PRKX: variants seen among roughly 807,000 people sequenced by gnomAD.
PRKX encodes the protein cAMP-dependent protein kinase catalytic subunit PRKX.
Under a neutral mutation model 22.0 loss-of-function variants are expected in PRKX, and 12 were observed. That is an observed-to-expected ratio of 0.54 (90% CI 0.35 to 0.88). The LOEUF (loss-of-function observed/expected upper bound fraction) is 0.88. Among genes scored for constraint, PRKX ranks in the 40% least tolerant of loss-of-function variants. The pLI is 0.01. For missense variants in PRKX, 217 were observed against 308.0 expected, an observed-to-expected ratio of 0.70 and a Z score of 2.21; for synonymous variants, 134 against 137.7, an observed-to-expected ratio of 0.97 and a Z score of 0.19.
chrX:3,608,566 TACACACAGGCATACAC>T lies in PRKX; in HGVS notation c.*387_*402del, dbSNP rs1186438219. 3.3e-5 allele frequency: 3 copies of T among 89,852 alleles called. No homozygotes were observed. Among genetic ancestry groups the T allele is most frequent in the Non-Finnish European group, 4.4e-5 (2 of 45,644 alleles). 7.4% of individuals were successfully genotyped at this position (89,852 alleles called of 1,213,427 possible). A position where few individuals can be genotyped will look rare whatever the true frequency, so the allele number is the denominator to read the frequency against. On this transcript the variant is annotated 3_prime_UTR_variant, in exon 9 of 9. Coordinates refer to ENST00000262848, the MANE Select transcript of PRKX (RefSeq NM_005044.5). Reference sequence around the variant, plus strand: ...CATCTGCCATAATGACTTCTATATATACACACAGGCATACACACACACACACACACACACACACACA... The same window carrying T: ...CATCTGCCATAATGACTTCTATATATACACACACACACACACACACACACA...
chrX:3,652,855 G>T (rs994233742), intron 3 of PRKX, among the ~76,000 whole-genome samples: 1 of 110,682 alleles, frequency 9.0e-6, no homozygotes, highest in Non-Finnish European at 1.9e-5. Context: ...TGAGGATACA[G>T]ACATGCACAG....
In PRKX at chrX:3,615,802, A is replaced by G; in HGVS notation, c.951+13T>C. 7.5e-6 allele frequency: 9 copies of G among 1,194,400 alleles called. No individual in the cohort carries two copies. The highest frequency in any genetic ancestry group is 1.0e-5 in the Non-Finnish European group (9 of 884,277). On this transcript the variant is annotated intron_variant, in intron 7 of 8. Transcript: ENST00000262848. The stretch of plus-strand genomic sequence containing the variant: ...CTCGGGCATACTGAGTCACCCACTG[A>G]TATGTGTTGTACCTTCAGTTTTCTC...
chrX:3,662,041 G>C (rs1481582289), intron 2 of PRKX, among the ~76,000 whole-genome samples: 1 of 111,696 alleles, frequency 9.0e-6, no homozygotes, highest in African/African-American at 3.3e-5. Context: ...TTTTGGACAA[G>C]GGCCCCTTAT....
intron 7 of PRKX, among the ~76,000 whole-genome samples, chrX:3,613,759 G>T (rs534337179): frequency 2.0e-5 from 2 of 99,656 alleles, no homozygotes; most frequent in South Asian, 1.0e-3. Context: ...TGAGGCAGAA[G>T]AATCACTTGA....
chrX:3,698,815 T>G (rs1928496657), intron 1 of PRKX, among the ~76,000 whole-genome samples: 1 of 108,668 alleles, frequency 9.2e-6, no homozygotes, highest in South Asian at 4.0e-4. Flanking sequence ...GGTCTCAAAC[T>G]CCTGACTTCA....
At chrX:3,685,535 A>T (rs1928160899) in intron 1 of PRKX, among the ~76,000 whole-genome samples, 1 of 111,387 alleles carries the variant, frequency 9.0e-6, no homozygotes, top group Admixed American at 9.7e-5. Flanking sequence ...ATCACACAGA[A>T]TAATAAACGT....
intron 7 of PRKX, among the ~76,000 whole-genome samples, chrX:3,614,471 G>A (rs915424011): frequency 1.8e-5 from 2 of 112,133 alleles, no homozygotes; most frequent in East Asian, 2.8e-4. Flanking sequence ...CTGGGCAACA[G>A]AGCAAGACGC....
intron 2 of PRKX, among the ~76,000 whole-genome samples, chrX:3,659,700 G>A (rs1428267440): frequency 1.0e-5 from 1 of 100,307 alleles, no homozygotes; most frequent in Non-Finnish European, 2.0e-5. Context: ...GTATTTTGTT[G>A]GAGTGGTGTT....
At chrX:3,658,292 G>GT (rs1927523113) in intron 2 of PRKX, among the ~76,000 whole-genome samples, 1 of 109,960 alleles carries the variant, frequency 9.1e-6, no homozygotes, top group African/African-American at 3.3e-5. Context: ...TGCCCGGTCT[G>GT]TTTGTTTCTG....
At chrX:3,669,526 C>G (rs370958460) in intron 2 of PRKX, among the ~76,000 whole-genome samples, 16 of 111,740 alleles carry the variant, frequency 1.4e-4, no homozygotes, top group Admixed American at 8.5e-4. Context: ...CAACACCCTA[C>G]AGTGCACAGG....
At chrX:3,648,631 T>C (rs1419814584) in intron 3 of PRKX, among the ~76,000 whole-genome samples, 1 of 104,810 alleles carries the variant, frequency 9.5e-6, no homozygotes, top group African/African-American at 3.5e-5. Flanking sequence ...TGTGTGTGTG[T>C]GTGTGTGTGT....
intron 3 of PRKX, among the ~76,000 whole-genome samples, chrX:3,651,274 T>C (rs1340686468): frequency 8.9e-6 from 1 of 112,452 alleles, no homozygotes; most frequent in East Asian, 2.8e-4. Context: ...GCATGTTATA[T>C]ACGAAACCAT....
intron 2 of PRKX, among the ~76,000 whole-genome samples, chrX:3,662,229 C>G (rs1927609844): frequency 1.8e-5 from 2 of 110,303 alleles, no homozygotes; most frequent in African/African-American, 6.6e-5. Context: ...ATCTCTGTCC[C>G]CACAGCTGAA....
chrX:3,615,165 T>C (rs1325948586), intron 7 of PRKX, among the ~76,000 whole-genome samples: 1 of 108,917 alleles, frequency 9.2e-6, no homozygotes, highest in Non-Finnish European at 1.9e-5. Flanking sequence ...ACCACAAGCA[T>C]ATGCCACCAC....
intron 1 of PRKX, among the ~76,000 whole-genome samples, chrX:3,709,453 T>A (rs1928746272): frequency 9.0e-6 from 1 of 111,259 alleles, no homozygotes; most frequent in Non-Finnish European, 1.9e-5. Flanking sequence ...ATTATTTCCC[T>A]CTGTAGATGA....
intron 1 of PRKX, among the ~76,000 whole-genome samples, chrX:3,694,215 C>T (rs1004744357): frequency 6.5e-4 from 70 of 107,450 alleles, no homozygotes; most frequent in Non-Finnish European, 1.0e-3. Context: ...GGTGAAATCC[C>T]GTCTCCACTA....
chrX:3,684,079 C>T (rs747182970), intron 1 of PRKX, among the ~76,000 whole-genome samples: 1 of 110,573 alleles, frequency 9.0e-6, no homozygotes, highest in Non-Finnish European at 1.9e-5. Flanking sequence ...GGTGAAACCC[C>T]GTCTCTACTA....
At chrX:3,609,724 G>A (rs927585338) in intron 8 of PRKX, among the ~76,000 whole-genome samples, 13 of 111,542 alleles carry the variant, frequency 1.2e-4, no homozygotes, top group Non-Finnish European at 1.9e-4. Context: ...CCAAAGTGCC[G>A]GGATTACAGG....
intron 2 of PRKX, among the ~76,000 whole-genome samples, chrX:3,659,717 G>GTTTTTTTTTTTTT (rs369338597): frequency 7.1e-5 from 2 of 28,039 alleles, no homozygotes; most frequent in African/African-American, 1.8e-4. Flanking sequence ...TGTTTTTTTT[G>GTTTTTTTTTTTTT]TTTTTTTTTT....
Sources: gnomAD v4.1 joint callset for allele counts (sites outside exome capture counted in the v4.1 genomes callset) on GRCh38, gnomAD v4.1.1 for gene constraint, MANE v1.5 for transcripts, NCBI Gene and HGNC (gene_info 2026-07-23, HGNC 2026-07-21) for gene names.